ARID3A: variants seen among roughly 807,000 people sequenced by gnomAD.
The protein encoded by ARID3A is AT-rich interactive domain-containing protein 3A.
Under a neutral mutation model 52.7 loss-of-function variants are expected in ARID3A, and 11 were observed. That is an observed-to-expected ratio of 0.21 (90% CI 0.13 to 0.35). ARID3A has a LOEUF of 0.35. ARID3A is among the 10% of genes least tolerant of loss of function. ARID3A has a pLI of 1.00. For synonymous variants in ARID3A, 404 were observed against 359.4 expected, an observed-to-expected ratio of 1.12 and a Z score of -1.40; for missense variants, 721 against 838.5, an observed-to-expected ratio of 0.86 and a Z score of 1.73.
intron 8 of ARID3A, among the ~76,000 whole-genome samples, chr19:970,755 T>TA (rs759946040): frequency 3.3e-4 from 50 of 152,032 alleles, no homozygotes; most frequent in Admixed American, 1.4e-3. Flanking sequence ...TTACAGGCAT[T>TA]AGCCACCACA....
intron 3 of ARID3A, chr19:956,810 G>A (rs1050794506): frequency 2.6e-5 from 4 of 152,436 alleles, no homozygotes; most frequent in African/African-American, 9.6e-5. Flanking sequence ...GAGGCCCAGA[G>A]AGGGGCAGGA....
chr19:962,622 C>A (rs1400342235), intron 4 of ARID3A, among the ~76,000 whole-genome samples: 1 of 149,248 alleles, frequency 6.7e-6, no homozygotes, highest in African/African-American at 2.5e-5. Flanking sequence ...TCAAGTGATT[C>A]CCCTGCCTCA....
In ARID3A at chr19:932,659, C is replaced by G. The variant is rs1448864737; in HGVS notation, c.610C>G (p.His204Asp). Residue 204 changes from histidine to aspartate, a missense_variant, in exon 3 of 9, where the codon CAC becomes GAC. His to Asp is a moderately conservative substitution (Grantham distance 81). Transcript: ENST00000263620. ...GQERPGPGPAHPGGAAHVAPQ... is the reference protein window; with the variant it reads ...GQERPGPGPADPGGAAHVAPQ... ...GGAGCGGCCGGGGCCTGGCCCTGCC[C>G]ACCCCGGAGGGGCCGCCCACGTAGC... 1.3e-6 allele frequency: 2 copies of G among 1,544,444 alleles called. No individual in the cohort carries two copies. The highest frequency in any genetic ancestry group is 2.4e-5 in the South Asian group (2 of 83,792).
intron 1 of ARID3A, among the ~76,000 whole-genome samples, chr19:926,995 C>G (rs1019545146): frequency 6.6e-6 from 1 of 151,880 alleles, no homozygotes; most frequent in African/African-American, 2.4e-5. Context: ...TCCTCCAGGC[C>G]CCCCCAACCC....
intron 3 of ARID3A, among the ~76,000 whole-genome samples, chr19:935,257 G>A (rs535934973): frequency 3.6e-4 from 55 of 152,364 alleles, no homozygotes; most frequent in African/African-American, 1.1e-3. Context: ...GCCAGGCCGC[G>A]GCGGGGGGCC....
chr19:970,206 A>G (rs11883032), intron 8 of ARID3A, among the ~76,000 whole-genome samples: 19,158 of 151,874 alleles, frequency 0.13, 1,392 homozygotes, highest in South Asian at 0.27. Flanking sequence ...CCAGCTGCTT[A>G]GGAGGCTGAG....
rs1370078385 is a variant in ARID3A at position 942,751 on chromosome 19, G to A, written c.693+10009G>A. Among the ~76,000 whole-genome samples the A allele has an allele frequency of 1.3e-5, 2 of 152,324 alleles. No individual in the cohort carries two copies. Among genetic ancestry groups the A allele is most frequent in the South Asian group, 2.1e-4 (1 of 4,824 alleles). On this transcript the variant is annotated intron_variant, in intron 3 of 8. Transcript: ENST00000263620. The surrounding 1 kb of genome is among the most constrained non-coding windows in gnomAD (Gnocchi z 8.1). ...GTCCAGAAGCCACGCTGGACATAGT[G>A]CCCAGATTCCATGCCCAGCAGCCTC... is the stretch of plus-strand genomic sequence containing the variant.
At chr19:948,584 C>T (rs1156243863) in intron 3 of ARID3A, among the ~76,000 whole-genome samples, 3 of 152,160 alleles carry the variant, frequency 2.0e-5, no homozygotes, top group Non-Finnish European at 4.4e-5. Context: ...CTCCTCCCGC[C>T]TGCAGCCCCA....
At chr19:956,008 T>C (rs1438814031) in intron 3 of ARID3A, among the ~76,000 whole-genome samples, 1 of 152,118 alleles carries the variant, frequency 6.6e-6, no homozygotes, top group Non-Finnish European at 1.5e-5. Context: ...TCCCTTGACA[T>C]GTGGCCGGCC....
rs773745826 is a variant in ARID3A, at chr19:929,598, C to T, written c.70C>T (p.Arg24Trp). The T allele has an allele frequency of 4.1e-5, 62 of 1,524,452 alleles. No homozygotes were observed. The highest frequency in any genetic ancestry group is 4.6e-5 in the Non-Finnish European group (52 of 1,142,490). 94.4% of individuals were successfully genotyped at this position (1,524,452 alleles called of 1,614,324 possible). A position where few individuals can be genotyped will look rare whatever the true frequency, so the allele number is the denominator to read the frequency against. Residue 24 changes from arginine to tryptophan, a missense_variant, in exon 2 of 9, where the codon CGG (arginine) becomes TGG (tryptophan). Arg to Trp is a moderately radical substitution (Grantham distance 101). Around this residue, in one of 5 missense-constraint regions of ARID3A, gnomAD observed 349 missense variants for 297.3 expected, o/e 1.17. Transcript: ENST00000263620. The surrounding 1 kb of genome is among the most constrained non-coding windows in gnomAD (Gnocchi z 6.2). ...GCGGGCGCGCCAGGAGCTGGAGGCCCGGCAGCAGCTGCCCCCCGATCCCCC... is the reference window on the plus strand; with the variant it reads ...GCGGGCGCGCCAGGAGCTGGAGGCCTGGCAGCAGCTGCCCCCCGATCCCCC... ...QQRARQELEARQQLPPDPPAA... is the reference protein window; with the variant it reads ...QQRARQELEAWQQLPPDPPAA...
intron 7 of ARID3A, among the ~76,000 whole-genome samples, chr19:967,895 A>G (rs1010022778): frequency 6.6e-6 from 1 of 151,778 alleles, no homozygotes; most frequent in Non-Finnish European, 1.5e-5. Flanking sequence ...AAATACAAAA[A>G]TTAGCCGGGT....
chr19:975,325 G>C lies in ARID3A; in HGVS notation c.*3260G>C, dbSNP rs933712264. The C allele has an allele frequency of 2.3e-5, 4 of 171,330 alleles. No homozygotes were observed. Among genetic ancestry groups the C allele is most frequent in the Non-Finnish European group, 4.9e-5 (4 of 81,404 alleles). 10.6% of individuals were successfully genotyped at this position (171,330 alleles called of 1,614,324 possible). A position where few individuals can be genotyped will look rare whatever the true frequency, so the allele number is the denominator to read the frequency against. On this transcript the variant is annotated 3_prime_UTR_variant, in exon 9 of 9. Coordinates refer to ENST00000263620, the MANE Select transcript of ARID3A (RefSeq NM_005224.3). ...GCTTCTGGAACCTTCCGTGGGACCC[G>C]TAAGTGGCTGTCCAGAAAGGCGGGA...
chr19:949,832 C>T (rs564889694), intron 3 of ARID3A, among the ~76,000 whole-genome samples: 5 of 152,182 alleles, frequency 3.3e-5, no homozygotes, highest in South Asian at 2.1e-4. Flanking sequence ...TTCACCACCA[C>T]GCCCGGCTAA....
At position 973,734 on chromosome 19, in the gene ARID3A, G is replaced by C. The variant is rs1599435617; in HGVS notation, c.*1669G>C. On this transcript the variant is annotated 3_prime_UTR_variant, in exon 9 of 9. Transcript: ENST00000263620. ...GGCTGCGAGCTCCCCGAGTTCTGCG[G>C]TGACTAAATCGAGGCCGAGAAGGGA... 1 of 228,370 alleles carries C rather than the reference G, an allele frequency of 4.4e-6. No individual in the cohort carries two copies. Among genetic ancestry groups the C allele is most frequent in the South Asian group, 1.8e-4 (1 of 5,474 alleles). The allele number at this position is 228,370 out of a possible 1,614,324, so 14.1% of individuals were successfully genotyped here.
Position 975,837 on chromosome 19 carries a change from G to T in ARID3A, c.*3772G>T. 1 of 190,418 alleles carries T rather than the reference G, an allele frequency of 5.3e-6. No homozygotes were observed. The highest frequency in any genetic ancestry group is 1.1e-5 in the Non-Finnish European group (1 of 91,202). 11.8% of individuals were successfully genotyped at this position (190,418 alleles called of 1,614,324 possible). On this transcript the variant is annotated 3_prime_UTR_variant, in exon 9 of 9. Transcript: ENST00000263620. ...TTACATTTTATAGTAACATTATTAT[G>T]CAGATTGTATTTAAACTTCAGAAAT...
In ARID3A at chr19:927,511, G is replaced by T. The variant is rs1009465557; in HGVS notation, c.-268+1452G>T. On this transcript the variant is annotated intron_variant, in intron 1 of 8. Coordinates refer to ENST00000263620, the MANE Select transcript of ARID3A (RefSeq NM_005224.3). ...CATTAAACCCAGCAGGGCTCGGAGC[G>T]GGCTGGTGGGGGGAGTGGCTTCCTT... Among the ~76,000 whole-genome samples the T allele has an allele frequency of 4.6e-5, 7 of 152,158 alleles. No individual in the cohort carries two copies. In the South Asian group the frequency reaches 1.0e-3, roughly 22 times the overall value.
chr19:933,848 G>T (rs1023238192), intron 3 of ARID3A, among the ~76,000 whole-genome samples: 12 of 141,908 alleles, frequency 8.5e-5, no homozygotes, highest in African/African-American at 1.9e-4. Context: ...GGACTCGGTG[G>T]GGGGGGGGGG....
chr19:935,267 C>T (rs902259852), intron 3 of ARID3A, among the ~76,000 whole-genome samples: 11 of 152,214 alleles, frequency 7.2e-5, no homozygotes, highest in African/African-American at 1.4e-4. Context: ...GGCGGGGGGC[C>T]GGGCGCAGCA....
Position 966,729 on chromosome 19 carries a change from G to A in ARID3A, c.1356G>A (p.Lys452=), listed in dbSNP as rs2038165124. ...QAAALEQLRE[K]LESAEPPEKK... ...CTGCCCTGGAACAGCTGCGGGAGAA[G>A]CTGGAGTCTGCAGAGCCTCCGGAGA... Residue 452 remains lysine (K), a synonymous_variant, in exon 7 of 9, where the codon AAG becomes AAA. Coordinates refer to ENST00000263620, the MANE Select transcript of ARID3A (RefSeq NM_005224.3). 1 of 1,612,606 alleles carries A rather than the reference G, an allele frequency of 6.2e-7. No individual in the cohort carries two copies. Among genetic ancestry groups the A allele is most frequent in the African/African-American group, 1.3e-5 (1 of 74,938 alleles).
Sources: gnomAD v4.1 joint callset for allele counts (sites outside exome capture counted in the v4.1 genomes callset) on GRCh38, gnomAD v4.1.1 for gene constraint, gnomAD v4.1.1 regional missense constraint, Gnocchi (gnomAD v3.1) non-coding constraint, MANE v1.5 for transcripts, NCBI Gene and HGNC (gene_info 2026-07-23, HGNC 2026-07-21) for gene names.